The following CEP55 variants were observed in gnomAD, a reference collection of about 807,000 sequenced individuals.
CEP55 encodes centrosomal protein 55.
Under a neutral mutation model 63.2 loss-of-function variants are expected in CEP55, and 57 were observed. The ratio of observed to expected loss-of-function variants is 0.90; its 90% CI spans 0.73 to 1.13. CEP55 has a LOEUF of 1.13. Among genes scored for constraint, CEP55 ranks in the 50% most tolerant of loss-of-function variants. CEP55 has a pLI of 0.00. For missense variants in CEP55, 456 were observed against 518.9 expected (o/e 0.88, Z 1.18); for synonymous variants, 178 against 191.6 (o/e 0.93, Z 0.59).
chr10:93,502,873 T>G (rs2057647978), intron 2 of CEP55, among the ~76,000 whole-genome samples: 1 of 152,248 alleles, frequency 6.6e-6, no homozygotes, highest in Non-Finnish European at 1.5e-5. Context: ...TCTTTGTGTC[T>G]GTGCTCATTT....
intron 4 of CEP55, among the ~76,000 whole-genome samples, chr10:93,513,874 TC>T (rs965488748): frequency 3.9e-5 from 6 of 152,144 alleles, no homozygotes; most frequent in African/African-American, 1.4e-4. Context: ...AGGATACTAG[TC>T]ATTGGATTTA....
intron 4 of CEP55, among the ~76,000 whole-genome samples, chr10:93,514,583 G>A (rs911355826): frequency 2.0e-5 from 3 of 152,218 alleles, no homozygotes; most frequent in South Asian, 4.1e-4. Flanking sequence ...CCCATGGGGG[G>A]CTCCAGAGCA....
intron 7 of CEP55, 187 bp downstream of exon 7, chr10:93,519,135 G>A (rs1173884782): frequency 2.0e-5 from 11 of 538,178 alleles, no homozygotes; most frequent in Non-Finnish European, 3.4e-5. Flanking sequence ...ACTTATTCCT[G>A]TTGCTGACCT....
At position 93,529,069 on chromosome 10, in the gene CEP55, G is replaced by T. The variant is rs1363308522; in HGVS notation, c.*916G>T. ...CACTGGGCTACTGTAAATGAGAAAAGAATAAAATTATTTAATGTTTTAATA... is the reference window on the plus strand; with the variant it reads ...CACTGGGCTACTGTAAATGAGAAAATAATAAAATTATTTAATGTTTTAATA... On this transcript the variant is annotated 3_prime_UTR_variant, in exon 9 of 9. Transcript: ENST00000371485. The T allele has an allele frequency of 6.6e-5, 10 of 151,972 alleles. No individual in the cohort carries two copies. Among genetic ancestry groups the T allele is most frequent in the Non-Finnish European group, 1.5e-5 (1 of 68,004 alleles). The allele number at this position is 151,972 out of a possible 1,614,324, so 9.4% of individuals were successfully genotyped here. A position where few individuals can be genotyped will look rare whatever the true frequency, so the allele number is the denominator to read the frequency against.
intron 4 of CEP55, among the ~76,000 whole-genome samples, chr10:93,511,141 A>G (rs2057744309): frequency 6.6e-6 from 1 of 151,882 alleles, no homozygotes; most frequent in Admixed American, 6.6e-5. Context: ...GGGTTTCACC[A>G]TGTTGGCCAG....
intron 2 of CEP55, 135 bp from the exon 3 acceptor site, chr10:93,502,978 A>G: frequency 1.2e-6 from 1 of 813,554 alleles, no homozygotes; most frequent in Non-Finnish European, 1.9e-6. Context: ...TGGCTTCCTA[A>G]TCTTTTTTGG....
intron 2 of CEP55, among the ~76,000 whole-genome samples, chr10:93,500,922 G>A (rs1167675978): frequency 2.0e-5 from 3 of 152,014 alleles, no homozygotes; most frequent in African/African-American, 7.3e-5. Flanking sequence ...GCTATGCCTG[G>A]CCATTCCATG....
intron 8 of CEP55, among the ~76,000 whole-genome samples, chr10:93,526,544 G>A (rs1168713396): frequency 1.3e-5 from 2 of 152,188 alleles, no homozygotes; most frequent in Non-Finnish European, 2.9e-5. Context: ...TCAGGATCTA[G>A]AACTAGAAAT....
chr10:93,512,335 T>A (rs1402153558), intron 4 of CEP55, among the ~76,000 whole-genome samples: 2 of 149,364 alleles, frequency 1.3e-5, no homozygotes, highest in East Asian at 2.0e-4. Flanking sequence ...ACCAACATGG[T>A]GAAACCCCAT....
intron 4 of CEP55, among the ~76,000 whole-genome samples, chr10:93,513,484 C>T (rs1338619783): frequency 6.6e-6 from 1 of 152,212 alleles, no homozygotes; most frequent in African/African-American, 2.4e-5. Flanking sequence ...CCCTGATAGA[C>T]ACCCAAAACC....
intron 8 of CEP55, among the ~76,000 whole-genome samples, chr10:93,521,606 C>T (rs998362640): frequency 6.6e-6 from 1 of 152,138 alleles, no homozygotes; most frequent in Non-Finnish European, 1.5e-5. Flanking sequence ...AGTGGTTCTC[C>T]CAGCACGCAG....
intron 8 of CEP55, among the ~76,000 whole-genome samples, chr10:93,523,887 C>T (rs1431855129): frequency 1.3e-5 from 2 of 152,192 alleles, no homozygotes; most frequent in African/African-American, 2.4e-5. Flanking sequence ...TTCTTTGAAA[C>T]CAATGAGAAC....
At chr10:93,521,956 A>G (rs1326174824) in intron 8 of CEP55, among the ~76,000 whole-genome samples, 2 of 152,236 alleles carry the variant, frequency 1.3e-5, no homozygotes, top group African/African-American at 4.8e-5. Flanking sequence ...TGTCACCATC[A>G]TCAAAGACCA....
chr10:93,526,334 A>G lies in CEP55; in HGVS notation c.1192-1616A>G, dbSNP rs536015084. Among the ~76,000 whole-genome samples, 721 of 152,364 alleles carry G rather than the reference A, an allele frequency of 4.7e-3. 2 individuals carry two copies. Among genetic ancestry groups the G allele is most frequent in the Middle Eastern group, 0.017 (5 of 294 alleles). On this transcript the variant is annotated intron_variant, in intron 8 of 8. Coordinates refer to ENST00000371485, the MANE Select transcript of CEP55 (RefSeq NM_018131.5). ...TGCAGCCAAAAGACACATGAAAAAA[A>G]TGCTCATCATCACTGGCCATCAGAG...
chr10:93,510,495 C>G (rs1157390611), intron 4 of CEP55: 5 of 152,206 alleles, frequency 3.3e-5, no homozygotes, highest in Non-Finnish European at 7.3e-5. Context: ...CCCTCACCCA[C>G]ACACATATAC....
intron 4 of CEP55, among the ~76,000 whole-genome samples, chr10:93,507,779 C>T (rs1589649485): frequency 6.6e-6 from 1 of 151,628 alleles, no homozygotes; most frequent in South Asian, 2.1e-4. Context: ...CTCCCAAGTA[C>T]CTGGGATTAC....
At chr10:93,520,048 C>A in intron 8 of CEP55, 1 of 521,166 alleles carries the variant, frequency 1.9e-6, no homozygotes, top group Non-Finnish European at 3.5e-6. Flanking sequence ...ATGCTGGAGG[C>A]ACTAAATAGT....
At chr10:93,504,304 C>T (rs1257681608) in intron 3 of CEP55, among the ~76,000 whole-genome samples, 1 of 152,140 alleles carries the variant, frequency 6.6e-6, no homozygotes, top group Non-Finnish European at 1.5e-5. Context: ...GAAACCCCAT[C>T]TCTACTAAAA....
At position 93,520,426 on chromosome 10, in the gene CEP55, CA is replaced by C. The variant is rs10693521; in HGVS notation, c.1191+635del. 5.0e-3 allele frequency: 570 copies of C among 113,580 alleles called. 3 individuals are homozygous for C. Among genetic ancestry groups the C allele is most frequent in the Middle Eastern group, 0.022 (5 of 224 alleles). The allele number at this position is 113,580 out of a possible 1,614,324, so 7.0% of individuals were successfully genotyped here. A position where few individuals can be genotyped will look rare whatever the true frequency, so the allele number is the denominator to read the frequency against. ...TGGGCAGCAGAGCAAGACTCTGTCTCAAAAAAAAAAAAAAAAGAAAAAGAAA... is the reference window on the plus strand; with the variant it reads ...TGGGCAGCAGAGCAAGACTCTGTCTCAAAAAAAAAAAAAAAGAAAAAGAAA... On this transcript the variant is annotated intron_variant, in intron 8 of 8. Transcript: ENST00000371485.
Sources: gnomAD v4.1 joint callset for allele counts (sites outside exome capture counted in the v4.1 genomes callset) on GRCh38, gnomAD v4.1.1 for gene constraint, MANE v1.5 for transcripts, NCBI Gene and HGNC (gene_info 2026-07-23, HGNC 2026-07-21) for gene names.